The following CHCHD3 variants were observed in gnomAD, a reference collection of about 807,000 sequenced individuals.
CHCHD3 encodes the protein coiled-coil-helix-coiled-coil-helix domain containing 3, also known as MICOS complex subunit MIC19.
In CHCHD3, 20 loss-of-function variants were observed where a neutral mutation model predicts 38.2. The ratio of observed to expected loss-of-function variants is 0.52; its 90% CI spans 0.37 to 0.76. CHCHD3 has a LOEUF of 0.76. Among genes scored for constraint, CHCHD3 ranks in the 30% least tolerant of loss-of-function variants. The probability of loss-of-function intolerance (pLI) is 0.00; values close to 1 mark genes in which losing one functional copy is unlikely to be tolerated. For synonymous variants in CHCHD3, 82 were observed against 100.0 expected (o/e 0.82, Z 1.07); for missense variants, 245 against 279.2 (o/e 0.88, Z 0.87).
chr7:132,935,778 C>T lies in CHCHD3; in HGVS notation c.369+39391G>A, dbSNP rs998755827. On this transcript the variant is annotated intron_variant, in intron 4 of 7. Transcript: ENST00000262570. ...TGCTGCTGTAACAGAATACCAAAGA[C>T]TGGGTAATTTGTAAAGAAAAGAAGT... 7.9e-5 allele frequency among the ~76,000 whole-genome samples: 12 copies of T among 152,256 alleles called. No individual in the cohort carries two copies. The South Asian group carries it at 8.3e-4, about 11-fold the overall frequency.
chr7:133,075,785 T>C (rs1482422003), intron 1 of CHCHD3, among the ~76,000 whole-genome samples: 1 of 151,974 alleles, frequency 6.6e-6, no homozygotes, highest in African/African-American at 2.4e-5. Flanking sequence ...TGCGGTCAGG[T>C]GTGGTGGCTC....
At chr7:132,976,936 TAAAA>T (rs374595094) in intron 3 of CHCHD3, among the ~76,000 whole-genome samples, 1 of 150,510 alleles carries the variant, frequency 6.6e-6, no homozygotes, top group Admixed American at 6.6e-5. Flanking sequence ...GTGTCTTAAA[TAAAA>T]AAAAAGAGGA....
intron 3 of CHCHD3, among the ~76,000 whole-genome samples, chr7:132,994,636 C>T (rs1445517728): frequency 3.9e-5 from 6 of 152,102 alleles, no homozygotes; most frequent in Admixed American, 1.3e-4. Context: ...AAGGATAAAT[C>T]GCCTCTTAAG....
At chr7:133,050,267 C>G (rs540272217) in intron 2 of CHCHD3, among the ~76,000 whole-genome samples, 6 of 144,476 alleles carry the variant, frequency 4.2e-5, no homozygotes, top group Non-Finnish European at 7.4e-5. Context: ...TGCTTGAACC[C>G]GAAAGGTGGA....
chr7:132,855,634 T>A (rs1808327939), intron 5 of CHCHD3, among the ~76,000 whole-genome samples: 1 of 152,132 alleles, frequency 6.6e-6, no homozygotes, highest in Non-Finnish European at 1.5e-5. Context: ...CTTGCAGGTA[T>A]AATGGCTCTC....
chr7:132,996,251 G>C (rs761434275), intron 3 of CHCHD3, among the ~76,000 whole-genome samples: 1 of 152,034 alleles, frequency 6.6e-6, no homozygotes, highest in Non-Finnish European at 1.5e-5. Context: ...TTTATGCAGG[G>C]CACTGTTACG....
At position 133,006,214 on chromosome 7, in the gene CHCHD3, C is replaced by T. The variant is rs75569469; in HGVS notation, c.251+18332G>A. On this transcript the variant is annotated intron_variant, in intron 3 of 7. Coordinates refer to ENST00000262570, the MANE Select transcript of CHCHD3 (RefSeq NM_017812.4). Reference sequence around the variant, plus strand: ...GGCGCAGTGGCTCACGCCTGTAATCCCAGCAGTTTGCAAGGCCAAGGCAGG... The same window carrying T: ...GGCGCAGTGGCTCACGCCTGTAATCTCAGCAGTTTGCAAGGCCAAGGCAGG... 9.8e-3 allele frequency among the ~76,000 whole-genome samples: 1,487 copies of T among 152,196 alleles called. 32 individuals carry two copies. The highest frequency in any genetic ancestry group is 0.034 in the African/African-American group (1,425 of 41,520).
intron 5 of CHCHD3, among the ~76,000 whole-genome samples, chr7:132,870,374 A>G (rs1236387872): frequency 6.6e-6 from 1 of 151,530 alleles, no homozygotes; most frequent in African/African-American, 2.4e-5. Context: ...AAAAAAAGAT[A>G]AATACTTCAA....
chr7:132,881,367 C>T (rs1010668440), intron 5 of CHCHD3, among the ~76,000 whole-genome samples: 1 of 152,134 alleles, frequency 6.6e-6, no homozygotes, highest in Non-Finnish European at 1.5e-5. Context: ...ACTAAATGTA[C>T]TTCACATGTT....
intron 4 of CHCHD3, among the ~76,000 whole-genome samples, chr7:132,927,372 C>T (rs571002068): frequency 1.3e-5 from 2 of 152,360 alleles, no homozygotes; most frequent in South Asian, 4.1e-4. Context: ...CCGTCAACCA[C>T]ATCTGCTCCT....
chr7:132,897,275 T>C (rs1809524322), intron 4 of CHCHD3, among the ~76,000 whole-genome samples: 1 of 152,224 alleles, frequency 6.6e-6, no homozygotes, highest in South Asian at 2.1e-4. Context: ...CCAAGGTATT[T>C]GGTGTCAGTG....
At chr7:132,791,501 C>A (rs1806458964) in intron 7 of CHCHD3, among the ~76,000 whole-genome samples, 1 of 152,210 alleles carries the variant, frequency 6.6e-6, no homozygotes, top group Non-Finnish European at 1.5e-5. Context: ...CATCTGAAAA[C>A]AATGATAACA....
chr7:132,974,481 C>A (rs1811706284), intron 4 of CHCHD3, among the ~76,000 whole-genome samples: 1 of 152,202 alleles, frequency 6.6e-6, no homozygotes, highest in Admixed American at 6.5e-5. Context: ...TTGCCAGAGT[C>A]TTCCAGACTA....
intron 4 of CHCHD3, among the ~76,000 whole-genome samples, chr7:132,952,473 T>A (rs1811056163): frequency 6.6e-6 from 1 of 152,160 alleles, no homozygotes; most frequent in South Asian, 2.1e-4. Context: ...ACAGATTTCA[T>A]AAGAGCCAGT....
chr7:133,043,970 T>A (rs1415391813), intron 2 of CHCHD3, among the ~76,000 whole-genome samples: 2 of 152,216 alleles, frequency 1.3e-5, no homozygotes, highest in African/African-American at 4.8e-5. Flanking sequence ...TTCAGAGGCA[T>A]CATCACATTT....
intron 6 of CHCHD3, among the ~76,000 whole-genome samples, chr7:132,810,298 T>A (rs377041315): frequency 3.3e-5 from 5 of 152,166 alleles, no homozygotes; most frequent in African/African-American, 1.2e-4. Context: ...TTCATACGGG[T>A]GTATAAGCAC....
chr7:133,026,798 C>T (rs1233495282), intron 2 of CHCHD3, among the ~76,000 whole-genome samples: 1 of 152,154 alleles, frequency 6.6e-6, no homozygotes, highest in Non-Finnish European at 1.5e-5. Flanking sequence ...TACATCCATT[C>T]ATGTGAAATG....
intron 6 of CHCHD3, among the ~76,000 whole-genome samples, chr7:132,822,796 T>C (rs1343395929): frequency 6.6e-6 from 1 of 151,750 alleles, no homozygotes; most frequent in African/African-American, 2.4e-5. Context: ...TTCTGCACTA[T>C]CCGCCCCCAC....
intron 4 of CHCHD3, among the ~76,000 whole-genome samples, chr7:132,896,403 T>G (rs960505838): frequency 3.9e-5 from 6 of 152,194 alleles, no homozygotes; most frequent in African/African-American, 1.2e-4. Context: ...ATATAATTCC[T>G]GAGAACAAGG....
Sources: allele counts gnomAD v4.1 joint callset (sites outside exome capture counted in the v4.1 genomes callset), GRCh38; gene constraint gnomAD v4.1.1; transcripts MANE v1.5; gene names NCBI Gene and HGNC (gene_info 2026-07-23, HGNC 2026-07-21).